PIK3C2G: variants seen among roughly 807,000 people sequenced by gnomAD.
The protein encoded by PIK3C2G is phosphatidylinositol-4-phosphate 3-kinase catalytic subunit type 2 gamma, also known as phosphatidylinositol 3-kinase C2 domain-containing subunit gamma.
Under a neutral mutation model 181.1 loss-of-function variants are expected in PIK3C2G, and 168 were observed. That is an observed-to-expected ratio of 0.93 (90% confidence interval 0.82 to 1.05). The LOEUF (loss-of-function observed/expected upper bound fraction) is 1.05, where lower values mean the gene tolerates loss of function less well. Among genes scored for constraint, PIK3C2G ranks in the 50% least tolerant of loss-of-function variants. PIK3C2G has a pLI of 0.00. For missense variants in PIK3C2G, 1,869 were observed against 1,732.8 expected (o/e 1.08, Z -1.40); for synonymous variants, 573 against 592.2 (o/e 0.97, Z 0.47).
intron 29 of PIK3C2G, among the ~76,000 whole-genome samples, chr12:18,588,717 C>T (rs1426101708): frequency 6.6e-6 from 1 of 152,026 alleles, no homozygotes; most frequent in African/African-American, 2.4e-5. Flanking sequence ...AGAACTACCA[C>T]TTGACCTAGC....
chr12:18,606,072 AC>A (rs1455011047), intron 30 of PIK3C2G, among the ~76,000 whole-genome samples: 1 of 152,136 alleles, frequency 6.6e-6, no homozygotes, highest in Non-Finnish European at 1.5e-5. Context: ...TGCTACATTG[AC>A]TACTGAGTGT....
intron 15 of PIK3C2G, among the ~76,000 whole-genome samples, chr12:18,395,656 A>G (rs892188908): frequency 9.9e-5 from 15 of 151,114 alleles, no homozygotes; most frequent in Admixed American, 1.3e-4. Flanking sequence ...AAGTGATTGA[A>G]GAAAAATGAA....
At chr12:18,673,678 G>C in the PIK3C2G span, among the ~76,000 whole-genome samples, 1 of 152,170 alleles carries the variant, frequency 6.6e-6, no homozygotes, top group Non-Finnish European at 1.5e-5. Flanking sequence ...CAGCTACTGG[G>C]CCCTCTGATT....
chr12:18,493,957 G>A (rs1233328556), intron 20 of PIK3C2G, among the ~76,000 whole-genome samples: 1 of 152,138 alleles, frequency 6.6e-6, no homozygotes, highest in Non-Finnish European at 1.5e-5. Context: ...GTGGGAGAGT[G>A]GGAGGAACTG....
At chr12:18,696,812 T>C in the PIK3C2G span, among the ~76,000 whole-genome samples, 1 of 152,090 alleles carries the variant, frequency 6.6e-6, no homozygotes, top group African/African-American at 2.4e-5. Context: ...CACTCCAGCA[T>C]CTTCCCCCAA....
chr12:18,317,770 G>A (rs1354065923), intron 6 of PIK3C2G, among the ~76,000 whole-genome samples: 2 of 152,102 alleles, frequency 1.3e-5, no homozygotes, highest in Admixed American at 6.5e-5. Context: ...AAAAATTCTG[G>A]TTTCATATTG....
At chr12:18,642,141 T>C (rs541152026) in intron 32 of PIK3C2G, among the ~76,000 whole-genome samples, 3 of 152,332 alleles carry the variant, frequency 2.0e-5, no homozygotes, top group Admixed American at 1.3e-4. Context: ...TTCTTTCTTT[T>C]ATAGATGGTA....
At chr12:18,634,850 G>A (rs933104020) in intron 31 of PIK3C2G, among the ~76,000 whole-genome samples, 4 of 152,170 alleles carry the variant, frequency 2.6e-5, no homozygotes, top group African/African-American at 9.7e-5. Flanking sequence ...GCATTCACAT[G>A]GGATGTGAAT....
At chr12:18,560,271 G>A (rs773794146) in intron 26 of PIK3C2G, among the ~76,000 whole-genome samples, 23 of 151,940 alleles carry the variant, frequency 1.5e-4, no homozygotes, top group Non-Finnish European at 1.3e-4. Flanking sequence ...ATGGTTGAAA[G>A]TCATATAGAA....
chr12:18,442,874 AT>A lies in PIK3C2G; in HGVS notation c.2504+18849del, dbSNP rs201145589. Among the ~76,000 whole-genome samples, 262 of 143,686 alleles carry A rather than the reference AT, an allele frequency of 1.8e-3. 1 individual carries two copies. The highest frequency in any genetic ancestry group is 3.2e-3 in the East Asian group (16 of 4,982). The allele number at this position is 143,686 out of a possible 152,430, so 94.3% of individuals were successfully genotyped here. ...TTCCTCTGTATGGTCAATATCCTACATTTTTTTTTTTTTTGAGACAGATTCT... is the reference window on the plus strand; with the variant it reads ...TTCCTCTGTATGGTCAATATCCTACATTTTTTTTTTTTTGAGACAGATTCT... On this transcript the variant is annotated intron_variant, in intron 18 of 32. Coordinates refer to ENST00000538779, the MANE Select transcript of PIK3C2G (RefSeq NM_001288772.2).
intron 24 of PIK3C2G, among the ~76,000 whole-genome samples, chr12:18,530,282 C>T (rs1388363801): frequency 6.6e-6 from 1 of 152,192 alleles, no homozygotes; most frequent in Non-Finnish European, 1.5e-5. Flanking sequence ...CTTCTGAAGT[C>T]AGTCCTTCCA....
At chr12:18,427,366 G>A (rs528597889) in intron 18 of PIK3C2G, among the ~76,000 whole-genome samples, 3 of 151,154 alleles carry the variant, frequency 2.0e-5, no homozygotes, top group South Asian at 4.2e-4. Context: ...AATTAGCCGG[G>A]CCTGGTGGCG....
intron 4 of PIK3C2G, among the ~76,000 whole-genome samples, chr12:18,291,891 CA>C (rs201787425): frequency 0.084 from 9,429 of 112,204 alleles, 364 homozygotes; most frequent in Non-Finnish European, 0.12. Context: ...CTAGCTTAAG[CA>C]AAAAAAAAAA....
chr12:18,279,698 T>C (rs1335648261), intron 1 of PIK3C2G, among the ~76,000 whole-genome samples: 2 of 152,008 alleles, frequency 1.3e-5, no homozygotes, highest in African/African-American at 4.8e-5. Flanking sequence ...ACATAGCTTA[T>C]TCTACAAACA....
chr12:18,351,135 A>G (rs1940178995), intron 11 of PIK3C2G, among the ~76,000 whole-genome samples: 1 of 152,140 alleles, frequency 6.6e-6, no homozygotes, highest in Non-Finnish European at 1.5e-5. Context: ...AACTTAGAAA[A>G]CAGTAACAAA....
At chr12:18,293,490 A>C (rs1298955683) in intron 4 of PIK3C2G, among the ~76,000 whole-genome samples, 2 of 152,146 alleles carry the variant, frequency 1.3e-5, no homozygotes, top group Non-Finnish European at 2.9e-5. Context: ...TAGAAGGAGC[A>C]ATATGTCTCA....
rs765555289 is a variant in PIK3C2G, at chr12:18,503,402, G to A, written c.3138G>A (p.Lys1046=). 4 of 1,605,418 alleles carry A rather than the reference G, an allele frequency of 2.5e-6. No homozygotes were observed. The highest frequency in any genetic ancestry group is 1.1e-5 in the South Asian group (1 of 89,580). The change falls in exon 23 of 33, where the codon AAG becomes AAA. Residue 1046 remains lysine, a synonymous_variant. Transcript: ENST00000538779. ...GGTTCAGTCAGCACAACCACTTAAA[G>A]GCAGATTATGAAAAGGTTTGTCCTG... ...KKWFSQHNHL[K]ADYEKALRNF... is the part of the protein sequence containing the mutation.
intron 31 of PIK3C2G, among the ~76,000 whole-genome samples, chr12:18,616,565 C>G (rs1948617237): frequency 6.6e-6 from 1 of 151,834 alleles, no homozygotes; most frequent in African/African-American, 2.4e-5. Context: ...GTTCAAAAAC[C>G]CTGAACACTT....
At chr12:18,322,850 T>C (rs1205988153) in intron 7 of PIK3C2G, among the ~76,000 whole-genome samples, 4 of 152,202 alleles carry the variant, frequency 2.6e-5, no homozygotes, top group South Asian at 2.1e-4. Context: ...GATTCCACTA[T>C]AGATTTCTGT....
Sources: gnomAD v4.1 joint callset for allele counts (sites outside exome capture counted in the v4.1 genomes callset) on GRCh38, gnomAD v4.1.1 for gene constraint, MANE v1.5 for transcripts, NCBI Gene and HGNC (gene_info 2026-07-23, HGNC 2026-07-21) for gene names.